Variants in KATNAL1 observed in about 807,000 individuals in gnomAD.
KATNAL1 encodes the protein katanin catalytic subunit A1 like 1.
In KATNAL1, 32 loss-of-function variants were observed where a neutral mutation model predicts 55.2. The ratio of observed to expected loss-of-function variants is 0.58; its 90% CI spans 0.44 to 0.78. KATNAL1 has a LOEUF of 0.78. Ranked by LOEUF, KATNAL1 falls within the 30% of genes least tolerant of loss-of-function variation. KATNAL1 has a pLI of 0.00. For missense variants in KATNAL1, 466 were observed against 600.9 expected, an observed-to-expected ratio of 0.78 and a Z score of 2.35; for synonymous variants, 193 against 193.6, an observed-to-expected ratio of 1.00 and a Z score of 0.02.
Position 30,283,618 on chromosome 13 carries a change from G to A in KATNAL1, c.160C>T (p.Gln54Ter). The change falls in exon 2 of 11, where the codon CAG (glutamine) becomes TAG (stop). Residue 54 changes from glutamine to a stop codon, truncating the protein, a stop_gained and splice_region_variant. Coordinates refer to ENST00000380615, the MANE Select transcript of KATNAL1 (RefSeq NM_032116.5). LOFTEE classifies it high-confidence loss of function. ...RDPAIKGKWQ[Q>*]VRQELLEEYE... ...CTAATACTTTAATACCATCTTACCT[G>A]TTGCCATTTGCCTTTGATAGCTGGA... is the stretch of plus-strand genomic sequence containing the variant. 1 of 1,613,492 alleles carries A rather than the reference G, an allele frequency of 6.2e-7. No individual in the cohort carries two copies. The highest frequency in any genetic ancestry group is 8.5e-7 in the Non-Finnish European group (1 of 1,179,736).
Position 30,276,656 on chromosome 13 carries a change from AT to A in KATNAL1, c.323+3406del, listed in dbSNP as rs1270722913. On this transcript the variant is annotated intron_variant, in intron 3 of 10. Coordinates refer to ENST00000380615, the MANE Select transcript of KATNAL1 (RefSeq NM_032116.5). ...TTAAAATATCAAAATTTCATTAAGCATTTTCAGTTTCTTTATTCTTCCACCA... is the reference window on the plus strand; with the variant it reads ...TTAAAATATCAAAATTTCATTAAGCATTTCAGTTTCTTTATTCTTCCACCA... Among the ~76,000 whole-genome samples the A allele has an allele frequency of 3.9e-5, 6 of 152,310 alleles. No homozygotes were observed. In the East Asian group the frequency reaches 9.6e-4, roughly 24 times the overall value.
intron 2 of KATNAL1, among the ~76,000 whole-genome samples, chr13:30,281,527 A>G (rs547108873): frequency 1.2e-4 from 19 of 152,348 alleles, no homozygotes; most frequent in African/African-American, 4.6e-4. Context: ...ACAACTAAAA[A>G]TTTGAGCCTG....
At position 30,261,809 on chromosome 13, in the gene KATNAL1, C is replaced by T. The variant is rs1005396641; in HGVS notation, c.324-6194G>A. 3.7e-3 allele frequency among the ~76,000 whole-genome samples: 556 copies of T among 152,084 alleles called. 2 individuals are homozygous for T. The highest frequency in any genetic ancestry group is 0.011 in the African/African-American group (461 of 41,484). On this transcript the variant is annotated intron_variant, in intron 3 of 10. Coordinates refer to ENST00000380615, the MANE Select transcript of KATNAL1 (RefSeq NM_032116.5). Reference sequence around the variant, plus strand: ...CCACTGTCAACATTAGACAGATCAACGAGACAGAAAGTCAACAAGGATACC... The same window carrying T: ...CCACTGTCAACATTAGACAGATCAATGAGACAGAAAGTCAACAAGGATACC...
intron 6 of KATNAL1, among the ~76,000 whole-genome samples, chr13:30,234,684 C>A (rs1225553908): frequency 1.3e-5 from 2 of 152,184 alleles, no homozygotes. Flanking sequence ...CTATCTGAAG[C>A]TCCAGGCCTC....
In KATNAL1 at chr13:30,205,562, A is replaced by T. The variant is rs952889322; in HGVS notation, c.*2978T>A. On this transcript the variant is annotated 3_prime_UTR_variant, in exon 11 of 11. Transcript: ENST00000380615. ...AAACAAAACGAAGCAAAACAATTCAATCTCATTCTGGGTAAGGCAACACAC... is the reference window on the plus strand; with the variant it reads ...AAACAAAACGAAGCAAAACAATTCATTCTCATTCTGGGTAAGGCAACACAC... 6.6e-6 allele frequency: 1 copy of T among 152,252 alleles called. No homozygotes were observed. Among genetic ancestry groups the T allele is most frequent in the Non-Finnish European group, 1.5e-5 (1 of 68,056 alleles). 9.4% of individuals were successfully genotyped at this position (152,252 alleles called of 1,614,324 possible). A position where few individuals can be genotyped will look rare whatever the true frequency, so the allele number is the denominator to read the frequency against.
At chr13:30,262,823 T>G (rs1414497615) in intron 3 of KATNAL1, among the ~76,000 whole-genome samples, 1 of 151,820 alleles carries the variant, frequency 6.6e-6, no homozygotes, top group East Asian at 1.9e-4. Flanking sequence ...CTTCTGAAAC[T>G]ATTCCAATCA....
chr13:30,265,262 T>C (rs928912395), intron 3 of KATNAL1, among the ~76,000 whole-genome samples: 6 of 151,872 alleles, frequency 4.0e-5, no homozygotes, highest in Non-Finnish European at 7.4e-5. Context: ...TTGGGAGATA[T>C]ACCTAACGCT....
intron 1 of KATNAL1, chr13:30,296,056 AAT>A: frequency 2.1e-5 from 4 of 192,502 alleles, no homozygotes; most frequent in South Asian, 1.2e-4. Context: ...AAAAAAAAAA[AAT>A]TTTAATTAGT....
chr13:30,220,904 G>A (rs140044958), intron 9 of KATNAL1, among the ~76,000 whole-genome samples: 134 of 147,676 alleles, frequency 9.1e-4, no homozygotes, highest in East Asian at 4.3e-3. Flanking sequence ...TTCTCATATC[G>A]GTCAGGCTGG....
At chr13:30,253,897 T>C (rs1480170279) in intron 4 of KATNAL1, among the ~76,000 whole-genome samples, 1 of 152,200 alleles carries the variant, frequency 6.6e-6, no homozygotes, top group Non-Finnish European at 1.5e-5. Flanking sequence ...TCTTCCAGTA[T>C]CCATGTCTCA....
chr13:30,283,198 C>CAA (rs1383318440), intron 2 of KATNAL1, among the ~76,000 whole-genome samples: 1 of 124,216 alleles, frequency 8.1e-6, no homozygotes, highest in Non-Finnish European at 1.6e-5. Context: ...ACCTGGGAGG[C>CAA]AGAGGTTGCA....
intron 3 of KATNAL1, among the ~76,000 whole-genome samples, chr13:30,277,322 A>T (rs1054147351): frequency 7.2e-5 from 11 of 152,040 alleles, no homozygotes; most frequent in Non-Finnish European, 1.3e-4. Flanking sequence ...AATTTTTTTT[A>T]TTCAATTCCA....
Position 30,204,244 on chromosome 13 carries a change from C to T in KATNAL1, c.*4296G>A, listed in dbSNP as rs1233014999. On this transcript the variant is annotated 3_prime_UTR_variant, in exon 11 of 11. Transcript: ENST00000380615. ...TTTCTTGGAAAAGGCCAGCATTCAC[C>T]CTTAACATTTTATGCCTGTCATACA... 2.6e-5 allele frequency: 4 copies of T among 152,112 alleles called. No homozygotes were observed. Among genetic ancestry groups the T allele is most frequent in the African/African-American group, 9.7e-5 (4 of 41,422 alleles). The allele number at this position is 152,112 out of a possible 1,614,324, so 9.4% of individuals were successfully genotyped here. A position where few individuals can be genotyped will look rare whatever the true frequency, so the allele number is the denominator to read the frequency against.
intron 2 of KATNAL1, 59 bp from the exon 3 acceptor site, chr13:30,280,282 A>T: frequency 7.3e-7 from 1 of 1,367,312 alleles, no homozygotes; most frequent in Non-Finnish European, 9.8e-7. Context: ...ATAAATTGTA[A>T]ATAATAAATT....
chr13:30,296,788 G>A, intron 1 of KATNAL1: 2 of 436,496 alleles, frequency 4.6e-6, no homozygotes. Context: ...TGTGCTGGGT[G>A]CTCACCTGTG....
intron 4 of KATNAL1, among the ~76,000 whole-genome samples, chr13:30,245,418 C>A (rs1877690622): frequency 6.6e-6 from 1 of 152,104 alleles, no homozygotes; most frequent in Admixed American, 6.5e-5. Flanking sequence ...ATAATAAGAG[C>A]TATTCATGAC....
intron 6 of KATNAL1, among the ~76,000 whole-genome samples, chr13:30,234,926 A>C (rs1347982282): frequency 6.6e-6 from 1 of 152,190 alleles, no homozygotes; most frequent in Non-Finnish European, 1.5e-5. Flanking sequence ...GAGGTGACTC[A>C]TGGTGGCCCC....
At chr13:30,257,722 C>T (rs542140446) in intron 3 of KATNAL1, among the ~76,000 whole-genome samples, 8 of 152,336 alleles carry the variant, frequency 5.3e-5, no homozygotes, top group Admixed American at 3.3e-4. Context: ...TTTGCCATTA[C>T]TGACCTTGTT....
intron 4 of KATNAL1, among the ~76,000 whole-genome samples, chr13:30,250,070 TAG>T (rs1878159282): frequency 6.6e-6 from 1 of 152,222 alleles, no homozygotes; most frequent in Non-Finnish European, 1.5e-5. Flanking sequence ...GGAAACACCA[TAG>T]AATGGTAGGC....
Sources: gnomAD v4.1 joint callset for allele counts (sites outside exome capture counted in the v4.1 genomes callset) on GRCh38, gnomAD v4.1.1 for gene constraint, MANE v1.5 for transcripts, NCBI Gene and HGNC (gene_info 2026-07-23, HGNC 2026-07-21) for gene names.